ANO7: variants seen among roughly 807,000 people sequenced by gnomAD.
ANO7 encodes anoctamin 7, also known as anoctamin-7.
ANO7 carries 114 observed loss-of-function variants against 115.8 expected under a neutral mutation model. The observed-to-expected ratio is 0.98, with a 90% CI of 0.85 to 1.15. The LOEUF (loss-of-function observed/expected upper bound fraction) is 1.15, where lower values mean the gene tolerates loss of function less well. ANO7 is among the 50% of genes most tolerant of loss of function. The pLI is 0.00. For synonymous variants in ANO7, 550 were observed against 498.2 expected (o/e 1.10, Z -1.38); for missense variants, 1,302 against 1,201.2 (o/e 1.08, Z -1.24).
chr2:241,238,455 C>T, the ANO7 span: 3 of 439,712 alleles, frequency 6.8e-6, no homozygotes, highest in African/African-American at 2.0e-5. The surrounding 1 kb of genome is among the most constrained non-coding windows in gnomAD (Gnocchi z 4.9). Flanking sequence ...GTCACCTGGT[C>T]ACTCTGTCAG....
At chr2:241,224,029 G>T (rs960282034) in intron 24 of ANO7, 68 bp from the exon 25 acceptor site, 2 of 1,613,222 alleles carry the variant, frequency 1.2e-6, no homozygotes, top group East Asian at 4.5e-5. Context: ...GCCGCCCACT[G>T]TGCCTCGTGG....
intron 10 of ANO7, 90 bp from the exon 11 acceptor site, chr2:241,207,484 G>C: frequency 1.0e-6 from 1 of 985,532 alleles, no homozygotes; most frequent in Non-Finnish European, 1.6e-6. Flanking sequence ...GAGGACAAGG[G>C]AGAGAGAGGA....
At chr2:241,204,457 G>A (rs1015823130) in intron 9 of ANO7, among the ~76,000 whole-genome samples, 12 of 152,192 alleles carry the variant, frequency 7.9e-5, no homozygotes, top group Admixed American at 2.0e-4. Flanking sequence ...GGAGGTACCC[G>A]GAATGACTCG....
intron 21 of ANO7, 121 bp downstream of exon 21, chr2:241,218,502 C>A: frequency 7.4e-6 from 1 of 135,190 alleles, no homozygotes; most frequent in Non-Finnish European, 1.1e-5. Flanking sequence ...CGGGCAAGGC[C>A]GGGGGAGGGG....
rs115772384 is a variant in ANO7, at chr2:241,223,088, G to A, written c.2322-98G>A. 7,403 of 1,095,800 alleles carry A rather than the reference G, an allele frequency of 6.8e-3. 43 individuals are homozygous for A. Among genetic ancestry groups the A allele is most frequent in the Non-Finnish European group, 7.7e-3 (5,665 of 732,372 alleles). 67.9% of individuals were successfully genotyped at this position (1,095,800 alleles called of 1,614,324 possible). ...GGCCAGGAACATGGGATGAGAGAGC[G>A]AAATGGTGGAAAAAGGGGAGATAGG... On this transcript the variant is annotated intron_variant, in intron 21 of 24. Coordinates refer to ENST00000674324, the MANE Select transcript of ANO7 (RefSeq NM_001370694.2).
At chr2:241,222,899 A>C (rs2069060125) in intron 21 of ANO7, among the ~76,000 whole-genome samples, 1 of 152,138 alleles carries the variant, frequency 6.6e-6, no homozygotes, top group South Asian at 2.1e-4. Flanking sequence ...TGTCACATCT[A>C]CTAGAAAATA....
intron 11 of ANO7, among the ~76,000 whole-genome samples, chr2:241,208,171 C>A (rs1032300938): frequency 1.9e-4 from 29 of 152,234 alleles, no homozygotes; most frequent in African/African-American, 6.8e-4. Context: ...GACCCAGAGC[C>A]CTTGGCACTA....
chr2:241,232,444 T>C, the ANO7 span, among the ~76,000 whole-genome samples: 1 of 152,020 alleles, frequency 6.6e-6, no homozygotes, highest in Non-Finnish European at 1.5e-5. Flanking sequence ...CCTGGCTAAT[T>C]TTCATATTTT....
At chr2:241,237,195 G>A in the ANO7 span, among the ~76,000 whole-genome samples, 602 of 152,292 alleles carry the variant, frequency 4.0e-3, 4 homozygotes, top group African/African-American at 0.014. Context: ...CGGCCAGCAC[G>A]CAGCCCCACC....
At chr2:241,194,401 G>A (rs1393675762) in intron 3 of ANO7, among the ~76,000 whole-genome samples, 2 of 148,630 alleles carry the variant, frequency 1.3e-5, no homozygotes, top group African/African-American at 4.9e-5. Flanking sequence ...TGCAAGCTCC[G>A]TCTCCTGGGT....
chr2:241,236,454 G>C, the ANO7 span: 3 of 711,506 alleles, frequency 4.2e-6, no homozygotes, highest in Non-Finnish European at 4.8e-6. Flanking sequence ...TCTGTGTCCA[G>C]CCGAGAAGCA....
Position 241,209,275 on chromosome 2 carries a change from C to G in ANO7, c.1078-10C>G. On this transcript the variant is annotated splice_polypyrimidine_tract_variant and intron_variant, in intron 11 of 24. Transcript: ENST00000674324. ...CAAGCAAGTCTGGACGCCCCCGCTC[C>G]CTGCCACAGGCCGGCCGGCTGTTCG... is the stretch of plus-strand genomic sequence containing the variant. 6.5e-7 allele frequency: 1 copy of G among 1,549,072 alleles called. No homozygotes were observed. Among genetic ancestry groups the G allele is most frequent in the South Asian group, 1.2e-5 (1 of 84,176 alleles).
At chr2:241,239,760 G>A in the ANO7 span, 2 of 1,614,130 alleles carry the variant, frequency 1.2e-6, no homozygotes, top group Non-Finnish European at 1.7e-6. This position sits in a 1 kb window ranked among gnomAD's most constrained non-coding sequence, Gnocchi z 4.6. Context: ...TGGCCTCTGC[G>A]GATGACGAAG....
intron 17 of ANO7, among the ~76,000 whole-genome samples, chr2:241,213,372 T>C (rs1177050295): frequency 6.6e-6 from 1 of 152,240 alleles, no homozygotes; most frequent in Non-Finnish European, 1.5e-5. Flanking sequence ...CTAAGAGCCT[T>C]AGCTACTCCG....
Position 241,203,540 on chromosome 2 carries a change from C to A in ANO7, c.889+42C>A, listed in dbSNP as rs377509776. 8.0e-6 allele frequency: 11 copies of A among 1,380,302 alleles called. No homozygotes were observed. The highest frequency in any genetic ancestry group is 3.0e-5 in the Admixed American group (1 of 33,496). The allele number at this position is 1,380,302 out of a possible 1,614,324, so 85.5% of individuals were successfully genotyped here. On this transcript the variant is annotated intron_variant, in intron 9 of 24. Coordinates refer to ENST00000674324, the MANE Select transcript of ANO7 (RefSeq NM_001370694.2). The surrounding 1 kb of genome is among the most constrained non-coding windows in gnomAD (Gnocchi z 4.8). ...GCCCCCCAGACCACCTGGGCCCCCC[C>A]AGCTTGGTGTCAGGTTGTAACAATT... is the stretch of plus-strand genomic sequence containing the variant.
chr2:241,223,695 C>T lies in ANO7; in HGVS notation c.2446C>T (p.Leu816Phe). 1 of 1,614,008 alleles carries T rather than the reference C, an allele frequency of 6.2e-7. No individual in the cohort carries two copies. Among genetic ancestry groups the T allele is most frequent in the Non-Finnish European group, 8.5e-7 (1 of 1,179,938 alleles). Residue 816 changes from leucine (L) to phenylalanine (F), a missense_variant, in exon 23 of 25, where the codon CTC becomes TTC. By Grantham distance (22) the Leu-to-Phe change is conservative. Transcript: ENST00000674324. ...TTTCTCCGTTGGCCGCCTCCTGGAC[C>T]TCCTGGTGCCTGACATCCCAGAGTC... ...VVFSVGRLLD[L>F]LVPDIPESVE...
At chr2:241,209,465 G>T in intron 12 of ANO7, 33 bp from the exon 13 acceptor site, 1 of 1,599,022 alleles carries the variant, frequency 6.3e-7, no homozygotes, top group African/African-American at 1.3e-5. Context: ...CACACCCGGC[G>T]AGGGCCGCCA....
chr2:241,230,973 G>A (rs376646376), downstream of ANO7: 382 of 1,596,602 alleles, frequency 2.4e-4, no homozygotes, highest in Middle Eastern at 2.8e-3. This position sits in a 1 kb window ranked among gnomAD's most constrained non-coding sequence, Gnocchi z 5.0. Flanking sequence ...GTCAGAAAAG[G>A]GGATGCCTTA....
At chr2:241,192,556 C>A (rs1051598351) in intron 3 of ANO7, among the ~76,000 whole-genome samples, 10 of 152,258 alleles carry the variant, frequency 6.6e-5, no homozygotes, top group African/African-American at 2.4e-4. Context: ...ATAGCCATCA[C>A]GTGTCTTTAA....
Sources: gnomAD v4.1 joint callset for allele counts (sites outside exome capture counted in the v4.1 genomes callset) on GRCh38, gnomAD v4.1.1 for gene constraint, Gnocchi (gnomAD v3.1) non-coding constraint, MANE v1.5 for transcripts, NCBI Gene and HGNC (gene_info 2026-07-23, HGNC 2026-07-21) for gene names.